Variants in MAN1A2 observed in about 807,000 individuals in gnomAD.
MAN1A2 encodes mannosidase alpha class 1A member 2.
Under a neutral mutation model 75.7 loss-of-function variants are expected in MAN1A2, and 26 were observed. The observed-to-expected ratio is 0.34, with a 90% CI of 0.25 to 0.48. MAN1A2 has a LOEUF of 0.48. Among genes scored for constraint, MAN1A2 ranks in the 20% least tolerant of loss-of-function variants. The pLI, the probability that MAN1A2 is intolerant of heterozygous loss-of-function variation, is 0.99. For synonymous variants in MAN1A2, 247 were observed against 264.6 expected (o/e 0.93, Z 0.65); for missense variants, 562 against 775.5 (o/e 0.72, Z 3.27).
At chr1:117,393,487 TG>T (rs200077689) in intron 1 of MAN1A2, among the ~76,000 whole-genome samples, 3,775 of 150,132 alleles carry the variant, frequency 0.025, 87 homozygotes, top group Middle Eastern at 0.06. Context: ...TTTTTTTTTT[TG>T]TGTGTGTGTG....
At chr1:117,426,381 A>G (rs1483455897) in intron 5 of MAN1A2, among the ~76,000 whole-genome samples, 1 of 152,060 alleles carries the variant, frequency 6.6e-6, no homozygotes, top group Non-Finnish European at 1.5e-5. Context: ...CTGTGGGTTG[A>G]TATCTTTAAT....
intron 8 of MAN1A2, among the ~76,000 whole-genome samples, chr1:117,473,672 A>G (rs557213616): frequency 6.6e-6 from 1 of 152,050 alleles, no homozygotes; most frequent in Non-Finnish European, 1.5e-5. Flanking sequence ...CTTTGCTTGG[A>G]ATGATTTTTC....
intron 12 of MAN1A2, among the ~76,000 whole-genome samples, chr1:117,522,368 C>T (rs1436138463): frequency 6.6e-6 from 1 of 151,714 alleles, no homozygotes; most frequent in Admixed American, 6.6e-5. Flanking sequence ...TAAAATAGAC[C>T]ACCTCAGTAG....
chr1:117,495,182 T>C (rs1651002604), intron 9 of MAN1A2, among the ~76,000 whole-genome samples: 1 of 151,900 alleles, frequency 6.6e-6, no homozygotes, highest in Non-Finnish European at 1.5e-5. Context: ...CTATATGTTA[T>C]GTATCTTGTA....
At chr1:117,467,363 A>G (rs934862204) in intron 8 of MAN1A2, among the ~76,000 whole-genome samples, 10 of 152,176 alleles carry the variant, frequency 6.6e-5, no homozygotes, top group Non-Finnish European at 1.2e-4. Context: ...CAGTAAGAAA[A>G]TAAGCTGGTG....
intron 1 of MAN1A2, among the ~76,000 whole-genome samples, chr1:117,390,473 A>G (rs1292567244): frequency 2.0e-5 from 3 of 151,706 alleles, no homozygotes; most frequent in Non-Finnish European, 4.4e-5. Context: ...CAGTTCTCTC[A>G]TTGCTGATAT....
intron 9 of MAN1A2, among the ~76,000 whole-genome samples, chr1:117,495,965 G>A (rs968452157): frequency 2.0e-5 from 3 of 151,828 alleles, no homozygotes; most frequent in Non-Finnish European, 4.4e-5. Flanking sequence ...CATGTATTGA[G>A]TGCACACTAC....
chr1:117,395,457 AATAAG>A (rs1385620024), intron 1 of MAN1A2, among the ~76,000 whole-genome samples: 3 of 152,226 alleles, frequency 2.0e-5, no homozygotes, highest in African/African-American at 4.8e-5. Context: ...ATGATAATTA[AATAAG>A]ATAATATATG....
At chr1:117,472,415 A>G (rs1650189511) in intron 8 of MAN1A2, among the ~76,000 whole-genome samples, 1 of 152,046 alleles carries the variant, frequency 6.6e-6, no homozygotes, top group Non-Finnish European at 1.5e-5. Flanking sequence ...GGATGTTTGC[A>G]TTCACTAATT....
At chr1:117,403,753 T>C (rs1246154743) in intron 2 of MAN1A2, among the ~76,000 whole-genome samples, 1 of 152,176 alleles carries the variant, frequency 6.6e-6, no homozygotes, top group Non-Finnish European at 1.5e-5. Context: ...TTTTATACCT[T>C]TTATATTTTT....
At chr1:117,374,522 A>G (rs1380090676) in intron 1 of MAN1A2, among the ~76,000 whole-genome samples, 2 of 152,296 alleles carry the variant, frequency 1.3e-5, no homozygotes, top group African/African-American at 4.8e-5. Flanking sequence ...TTAAAAAAAA[A>G]ATCTCCTTCA....
rs190627308 is a variant in MAN1A2, at chr1:117,442,438, C to T, written c.950+113C>T. The T allele has an allele frequency of 1.7e-5, 11 of 641,934 alleles. No homozygotes were observed. The Admixed American group carries it at 2.9e-4, about 17-fold the overall frequency. The allele number at this position is 641,934 out of a possible 1,614,324, so 39.8% of individuals were successfully genotyped here. A position where few individuals can be genotyped will look rare whatever the true frequency, so the allele number is the denominator to read the frequency against. On this transcript the variant is annotated intron_variant, in intron 6 of 12. Transcript: ENST00000356554. ...TTTTAAAGACATATTGTTTTTCTCT[C>T]TATATATAATCTTTGTTTTCTTTTG...
intron 12 of MAN1A2, among the ~76,000 whole-genome samples, chr1:117,511,116 G>A (rs1254631837): frequency 6.6e-6 from 1 of 152,018 alleles, no homozygotes; most frequent in Non-Finnish European, 1.5e-5. Flanking sequence ...GTGGTGGCAG[G>A]AAAGAGAGCA....
chr1:117,426,985 T>C (rs1409773265), intron 5 of MAN1A2, among the ~76,000 whole-genome samples: 1 of 152,180 alleles, frequency 6.6e-6, no homozygotes, highest in Non-Finnish European at 1.5e-5. Context: ...TCATAGCTCT[T>C]GGACTCATTG....
intron 8 of MAN1A2, among the ~76,000 whole-genome samples, chr1:117,476,472 A>G (rs988067611): frequency 4.6e-5 from 7 of 152,030 alleles, no homozygotes; most frequent in Non-Finnish European, 7.4e-5. Context: ...GTTTTCTTCT[A>G]GGGTTTTTAT....
chr1:117,510,309 A>G (rs1322970389), intron 12 of MAN1A2, among the ~76,000 whole-genome samples: 1 of 152,056 alleles, frequency 6.6e-6, no homozygotes, highest in African/African-American at 2.4e-5. Flanking sequence ...CTTTTCAGAA[A>G]ACTTCTCAGA....
At chr1:117,493,435 C>T (rs972693138) in intron 9 of MAN1A2, 173 bp downstream of exon 9, 2 of 452,416 alleles carry the variant, frequency 4.4e-6, no homozygotes, top group African/African-American at 2.0e-5. Context: ...AGAAAAGCCT[C>T]ATATTAAGTC....
At chr1:117,480,332 G>T (rs1376331480) in intron 8 of MAN1A2, among the ~76,000 whole-genome samples, 1 of 151,758 alleles carries the variant, frequency 6.6e-6, no homozygotes, top group African/African-American at 2.4e-5. Flanking sequence ...CTGTGCCTTT[G>T]CCTGAAAATT....
At chr1:117,445,881 T>C (rs1649214523) in intron 6 of MAN1A2, among the ~76,000 whole-genome samples, 1 of 95,176 alleles carries the variant, frequency 1.1e-5, no homozygotes, top group South Asian at 2.6e-4. Context: ...TGTCTGTGTG[T>C]GTGTATATAT....
Sources: gnomAD v4.1 joint callset for allele counts (sites outside exome capture counted in the v4.1 genomes callset) on GRCh38, gnomAD v4.1.1 for gene constraint, MANE v1.5 for transcripts, NCBI Gene and HGNC (gene_info 2026-07-23, HGNC 2026-07-21) for gene names.